Variants in ANK1 observed in about 807,000 individuals in gnomAD.
The protein encoded by ANK1 is ankyrin-1.
A neutral mutation model predicts 210.4 loss-of-function variants in ANK1; 51 were observed. The ratio of observed to expected loss-of-function variants is 0.24; its 90% confidence interval spans 0.19 to 0.31. ANK1 has a LOEUF of 0.31. Among genes scored for constraint, ANK1 ranks in the 10% least tolerant of loss-of-function variants. The pLI, the probability that ANK1 is intolerant of heterozygous loss-of-function variation, is 1.00. For synonymous variants in ANK1, 967 were observed against 1,025.9 expected, an observed-to-expected ratio of 0.94 and a Z score of 1.10; for missense variants, 2,051 against 2,504.4, an observed-to-expected ratio of 0.82 and a Z score of 3.86.
chr8:41,815,634 T>C (rs1304614237), intron 1 of ANK1, among the ~76,000 whole-genome samples: 1 of 152,178 alleles, frequency 6.6e-6, no homozygotes, highest in Admixed American at 6.5e-5. Flanking sequence ...ACTTTCCTTG[T>C]ATACTTTCTA....
intron 1 of ANK1, among the ~76,000 whole-genome samples, chr8:41,768,800 CAAAAA>C (rs34057212): frequency 1.5e-5 from 2 of 130,904 alleles, no homozygotes; most frequent in Admixed American, 7.7e-5. Flanking sequence ...CCTGTCTCCA[CAAAAA>C]AAAAAAAAAA....
chr8:41,854,290 T>A (rs1328392044), intron 1 of ANK1, among the ~76,000 whole-genome samples: 1 of 152,170 alleles, frequency 6.6e-6, no homozygotes, highest in Non-Finnish European at 1.5e-5. Context: ...TCAGCTTATG[T>A]AACTGCTTGC....
intron 37 of ANK1, among the ~76,000 whole-genome samples, chr8:41,681,313 T>A (rs546028213): frequency 3.3e-5 from 5 of 152,368 alleles, no homozygotes; most frequent in African/African-American, 9.6e-5. Flanking sequence ...AAGGGAAGTC[T>A]GTTTTATTTT....
Position 41,704,748 on chromosome 8 carries a change from T to C in ANK1, c.2098-276A>G, listed in dbSNP as rs959883739. ...GTCAGTGCATGGGAGATCTGAGAGC[T>C]TTGGAGGTGAGTGAGGTCCCCCAGA... is the stretch of plus-strand genomic sequence containing the variant. On this transcript the variant is annotated intron_variant, in intron 18 of 42. Coordinates refer to ENST00000289734, the MANE Select transcript of ANK1 (RefSeq NM_000037.4). This position sits in a 1 kb window ranked among gnomAD's most constrained non-coding sequence, Gnocchi z 4.1. Among the ~76,000 whole-genome samples the C allele has an allele frequency of 1.4e-4, 22 of 151,812 alleles. No homozygotes were observed. The highest frequency in any genetic ancestry group is 4.8e-4 in the African/African-American group (20 of 41,300).
At chr8:41,730,343 A>G (rs972816212) in intron 3 of ANK1, among the ~76,000 whole-genome samples, 5 of 152,044 alleles carry the variant, frequency 3.3e-5, no homozygotes, top group African/African-American at 1.2e-4. Context: ...AGCAGCTCAC[A>G]TTGGTAATCC....
chr8:41,843,365 C>G (rs1323451486), intron 1 of ANK1, among the ~76,000 whole-genome samples: 2 of 152,170 alleles, frequency 1.3e-5, no homozygotes, highest in African/African-American at 4.8e-5. Context: ...TTACTGTGCA[C>G]TTGTACCCTT....
At chr8:41,657,238 C>T (rs1024320864) in intron 42 of ANK1, among the ~76,000 whole-genome samples, 3 of 152,134 alleles carry the variant, frequency 2.0e-5, no homozygotes, top group Non-Finnish European at 2.9e-5. Context: ...ATGGCAGAGT[C>T]GAGTGGGTAA....
chr8:41,838,014 A>T (rs1304901375), intron 1 of ANK1, among the ~76,000 whole-genome samples: 1 of 152,122 alleles, frequency 6.6e-6, no homozygotes, highest in Non-Finnish European at 1.5e-5. Flanking sequence ...CCTCCTCCAC[A>T]CACCCATCTT....
At position 41,837,863 on chromosome 8, in the gene ANK1, G is replaced by A. The variant is rs193002646; in HGVS notation, c.126+58492C>T. Among the ~76,000 whole-genome samples, 12 of 151,760 alleles carry A rather than the reference G, an allele frequency of 7.9e-5. No individual in the cohort carries two copies. The East Asian group carries it at 2.3e-3, about 29-fold the overall frequency. The stretch of plus-strand genomic sequence containing the variant: ...TACAGCCTGGGCAACAGAGCGAGAC[G>A]CATCTCAAAAAAAAAAATGTTAATT... On this transcript the variant is annotated intron_variant, in intron 1 of 42. Coordinates refer to the ANK1 transcript ENST00000265709.
At chr8:41,660,576 G>C (rs1807709886) in intron 42 of ANK1, 1 of 449,436 alleles carries the variant, frequency 2.2e-6, no homozygotes, top group Admixed American at 2.9e-5. Context: ...GCTGGAGATG[G>C]TCGCACAGCG....
At chr8:41,765,123 TTC>T (rs914513254) in intron 1 of ANK1, among the ~76,000 whole-genome samples, 8 of 151,484 alleles carry the variant, frequency 5.3e-5, no homozygotes, top group Admixed American at 2.0e-4. Context: ...CCTTCTCTTT[TTC>T]TCTCTCTCTC....
chr8:41,669,453 C>A (rs115509048), intron 38 of ANK1, among the ~76,000 whole-genome samples: 1 of 152,036 alleles, frequency 6.6e-6, no homozygotes, highest in African/African-American at 2.4e-5. Context: ...CACGCCACCA[C>A]GTCCAGCTAT....
intron 31 of ANK1, 38 bp downstream of exon 31, chr8:41,692,610 G>A: frequency 6.3e-7 from 1 of 1,586,480 alleles, no homozygotes; most frequent in South Asian, 1.1e-5. Context: ...CGGCAGGACG[G>A]TTTGTCCCAG....
chr8:41,815,573 G>C (rs999522), intron 1 of ANK1, among the ~76,000 whole-genome samples: 33,116 of 151,802 alleles, frequency 0.22, 4,536 homozygotes, highest in Admixed American at 0.38. Flanking sequence ...CTCTAAACTA[G>C]ACAAAGTTAT....
At chr8:41,846,647 C>G (rs560710030) in intron 1 of ANK1, among the ~76,000 whole-genome samples, 1 of 152,368 alleles carries the variant, frequency 6.6e-6, no homozygotes, top group East Asian at 1.9e-4. Context: ...TCTTATCAGC[C>G]TGCAGTTAAT....
At position 41,708,864 on chromosome 8, in the gene ANK1, G is replaced by T. The variant is rs781351671; in HGVS notation, c.1912C>A (p.Pro638Thr). The change falls in exon 17 of 43, where the codon CCC becomes ACC. Residue 638 changes from proline to threonine, a missense_variant. This residue lies in a region of ANK1 where 1,413 missense variants were observed against 1,707.4 expected (regional missense o/e 0.83). Coordinates refer to ENST00000289734, the MANE Select transcript of ANK1 (RefSeq NM_000037.4). ...ANAESVQGVT[P>T]LHLAAQEGHA... The stretch of plus-strand genomic sequence containing the variant: ...CCCTCCTGGGCGGCCAGGTGAAGGG[G>T]CGTCACACCTTGCACCGACTCGGCG... The T allele has an allele frequency of 2.5e-6, 4 of 1,613,970 alleles. No homozygotes were observed. The highest frequency in any genetic ancestry group is 3.4e-6 in the Non-Finnish European group (4 of 1,180,044).
At chr8:41,875,980 G>A (rs1305789250) in intron 1 of ANK1, among the ~76,000 whole-genome samples, 1 of 151,960 alleles carries the variant, frequency 6.6e-6, no homozygotes, top group Non-Finnish European at 1.5e-5. Flanking sequence ...ACCTGCCCGC[G>A]CGCACACACC....
chr8:41,876,072 C>A (rs967440603), intron 1 of ANK1, among the ~76,000 whole-genome samples: 6 of 152,026 alleles, frequency 3.9e-5, no homozygotes, highest in African/African-American at 1.4e-4. Context: ...TTCCACCAAT[C>A]CCCTCGCCTC....
At chr8:41,733,029 C>T (rs117823762) in intron 3 of ANK1, among the ~76,000 whole-genome samples, 29,795 of 152,222 alleles carry the variant, frequency 0.2, 3,755 homozygotes, top group South Asian at 0.27. Context: ...TGAGCCACCG[C>T]GCCCAGTCTG....
Sources: allele counts gnomAD v4.1 joint callset (sites outside exome capture counted in the v4.1 genomes callset), GRCh38; gene constraint gnomAD v4.1.1; regional missense constraint gnomAD v4.1.1; non-coding constraint Gnocchi (gnomAD v3.1); transcripts MANE v1.5; gene names NCBI Gene and HGNC (gene_info 2026-07-23, HGNC 2026-07-21).